Variants in MAF observed in about 807,000 individuals in gnomAD.
MAF encodes transcription factor Maf.
A neutral mutation model predicts 22.0 loss-of-function variants in MAF; 10 were observed. That is an observed-to-expected ratio of 0.45 (90% CI 0.28 to 0.77). The LOEUF (loss-of-function observed/expected upper bound fraction) is 0.77, where lower values mean the gene tolerates loss of function less well. Ranked by LOEUF, MAF falls within the 30% of genes least tolerant of loss-of-function variation. The probability of loss-of-function intolerance (pLI) is 0.12; values close to 1 mark genes in which losing one functional copy is unlikely to be tolerated. For synonymous variants in MAF, 337 were observed against 255.8 expected, an observed-to-expected ratio of 1.32 and a Z score of -3.03; for missense variants, 544 against 548.4, an observed-to-expected ratio of 0.99 and a Z score of 0.08.
At chr16:79,598,159 A>C (rs1913676415) in intron 1 of MAF, 1 of 1,051,106 alleles carries the variant, frequency 9.5e-7, no homozygotes, top group African/African-American at 1.7e-5. Context: ...AGAAAAAAAA[A>C]CTTTGCTTTT....
the MAF span, among the ~76,000 whole-genome samples, chr16:79,368,762 C>T: frequency 2.0e-5 from 3 of 152,108 alleles, no homozygotes; most frequent in African/African-American, 7.2e-5. Flanking sequence ...AAATGCTCTT[C>T]CCTCTGATAT....
At chr16:79,523,758 T>C in the MAF span, among the ~76,000 whole-genome samples, 1 of 152,216 alleles carries the variant, frequency 6.6e-6, no homozygotes, top group South Asian at 2.1e-4. Context: ...CAATGCCATA[T>C]ACATCCTTCA....
downstream of MAF, among the ~76,000 whole-genome samples, chr16:79,584,597 G>A (rs896125165): frequency 5.3e-5 from 8 of 152,098 alleles, no homozygotes; most frequent in Admixed American, 6.5e-5. Context: ...TCAATGTCAC[G>A]AAACCTGCCA....
At chr16:79,260,668 T>C in the MAF span, among the ~76,000 whole-genome samples, 1 of 152,146 alleles carries the variant, frequency 6.6e-6, no homozygotes, top group Non-Finnish European at 1.5e-5. Context: ...CATTGACCAG[T>C]GAGTGTTCAA....
chr16:79,314,178 C>T, the MAF span, among the ~76,000 whole-genome samples: 1 of 152,154 alleles, frequency 6.6e-6, no homozygotes, highest in Non-Finnish European at 1.5e-5. Flanking sequence ...AAATCCATGG[C>T]ATGTCTTATG....
the MAF span, among the ~76,000 whole-genome samples, chr16:79,477,913 G>A: frequency 1.4e-5 from 2 of 145,470 alleles, no homozygotes; most frequent in South Asian, 2.2e-4. Context: ...TAGTAGAGAC[G>A]GGGTTTCACT....
the MAF span, among the ~76,000 whole-genome samples, chr16:79,257,619 T>G: frequency 1.3e-5 from 2 of 152,192 alleles, no homozygotes; most frequent in Non-Finnish European, 2.9e-5. Context: ...CTACTTAATG[T>G]CTCTGTGCCT....
the MAF span, among the ~76,000 whole-genome samples, chr16:79,423,663 C>T: frequency 1.3e-5 from 2 of 152,172 alleles, no homozygotes; most frequent in Non-Finnish European, 1.5e-5. Flanking sequence ...TCCCACAAAA[C>T]CTAATATATT....
At chr16:79,435,612 AGG>A in the MAF span, among the ~76,000 whole-genome samples, 1 of 152,188 alleles carries the variant, frequency 6.6e-6, no homozygotes, top group Non-Finnish European at 1.5e-5. Flanking sequence ...CTGTCTGCTC[AGG>A]GTCACACAGC....
chr16:79,512,968 A>G, the MAF span, among the ~76,000 whole-genome samples: 1 of 152,238 alleles, frequency 6.6e-6, no homozygotes, highest in African/African-American at 2.4e-5. Flanking sequence ...GTTGCAACAC[A>G]AAGGTGCTGA....
At chr16:79,578,414 C>T in the MAF span, among the ~76,000 whole-genome samples, 2 of 152,098 alleles carry the variant, frequency 1.3e-5, no homozygotes, top group East Asian at 3.9e-4. Flanking sequence ...TATATTGATA[C>T]TCATGATCAA....
chr16:79,211,732 C>T, the MAF span: 2 of 1,614,218 alleles, frequency 1.2e-6, no homozygotes, highest in Non-Finnish European at 1.7e-6. Flanking sequence ...GAAGAGACGG[C>T]CCGGACCCTG....
the MAF span, among the ~76,000 whole-genome samples, chr16:79,507,641 G>T: frequency 6.6e-6 from 1 of 151,924 alleles, no homozygotes. Context: ...TAGCCAGGAT[G>T]GTCTCGATCT....
chr16:79,505,142 A>G, the MAF span, among the ~76,000 whole-genome samples: 1 of 152,236 alleles, frequency 6.6e-6, no homozygotes, highest in Admixed American at 6.5e-5. Flanking sequence ...TTTAAACTAA[A>G]AATTCCAAGT....
the MAF span, among the ~76,000 whole-genome samples, chr16:79,551,977 T>C: frequency 6.7e-6 from 1 of 148,600 alleles, no homozygotes; most frequent in Non-Finnish European, 1.5e-5. Context: ...ACAGCTGTGA[T>C]TTTTTTTTAA....
chr16:79,384,211 A>G, the MAF span, among the ~76,000 whole-genome samples: 1 of 152,082 alleles, frequency 6.6e-6, no homozygotes, highest in East Asian at 1.9e-4. Context: ...TGGGAGGCCA[A>G]GTCAAGTGGA....
chr16:79,595,541 T>C, intron 1 of MAF: 1 of 1,060,038 alleles, frequency 9.4e-7, no homozygotes, highest in East Asian at 5.2e-5. Context: ...GAGTGCAAAC[T>C]GCATGAATTT....
the MAF span, among the ~76,000 whole-genome samples, chr16:79,209,244 G>T: frequency 3.3e-5 from 5 of 152,334 alleles, no homozygotes; most frequent in East Asian, 3.9e-4. Flanking sequence ...GGAAGGAAAA[G>T]GTAGGTCCCC....
At chr16:79,598,017 G>C in intron 1 of MAF, 1 of 1,007,992 alleles carries the variant, frequency 9.9e-7, no homozygotes, top group Non-Finnish European at 1.2e-6. Context: ...AGGTTCATGA[G>C]GATTTTTTTC....
Sources: allele counts gnomAD v4.1 joint callset (sites outside exome capture counted in the v4.1 genomes callset), GRCh38; gene constraint gnomAD v4.1.1; transcripts MANE v1.5; gene names NCBI Gene and HGNC (gene_info 2026-07-23, HGNC 2026-07-21).